Variants in CAMTA1 observed in about 807,000 individuals in gnomAD.
CAMTA1 encodes the protein calmodulin-binding transcription activator 1.
In CAMTA1, 27 loss-of-function variants were observed where a neutral mutation model predicts 170.9. The ratio of observed to expected loss-of-function variants is 0.16; its 90% CI spans 0.12 to 0.22. The LOEUF (loss-of-function observed/expected upper bound fraction) is 0.22. CAMTA1 is among the 10% of genes least tolerant of loss of function. The pLI, the probability that CAMTA1 is intolerant of heterozygous loss-of-function variation, is 1.00. For synonymous variants in CAMTA1, 833 were observed against 891.5 expected, an observed-to-expected ratio of 0.93 and a Z score of 1.17; for missense variants, 1,619 against 2,217.2, an observed-to-expected ratio of 0.73 and a Z score of 5.42.
chr1:7,098,106 TGTGTGTGTGTGTGTGCACGTGCGC>T (rs1180188150), intron 4 of CAMTA1, among the ~76,000 whole-genome samples: 17 of 151,670 alleles, frequency 1.1e-4, no homozygotes, highest in African/African-American at 3.9e-4. Flanking sequence ...GAATTGTGTG[TGTGTGTGTGTGTGTGCACGTGCGC>T]GTGCGTGCGC....
At position 7,044,381 on chromosome 1, in the gene CAMTA1, A is replaced by G. The variant is rs986686931; in HGVS notation, c.235-46923A>G. Among the ~76,000 whole-genome samples, 10 of 151,962 alleles carry G rather than the reference A, an allele frequency of 6.6e-5. No individual in the cohort carries two copies. Among genetic ancestry groups the G allele is most frequent in the African/African-American group, 1.9e-4 (8 of 41,386 alleles). The stretch of plus-strand genomic sequence containing the variant: ...GCCGCTGGGGACCCTGGGGACTCAC[A>G]GCAGTACTGCTGGGGACGCCGAGGA... On this transcript the variant is annotated intron_variant, in intron 3 of 22. Transcript: ENST00000303635. The surrounding 1 kb of genome is among the most constrained non-coding windows in gnomAD (Gnocchi z 5.0).
At chr1:7,415,764 A>G (rs2091117642) in intron 5 of CAMTA1, among the ~76,000 whole-genome samples, 1 of 152,174 alleles carries the variant, frequency 6.6e-6, no homozygotes, top group Non-Finnish European at 1.5e-5. Flanking sequence ...TTTACATTTA[A>G]AGTTAATATT....
At chr1:7,691,809 A>G (rs960783310) in intron 11 of CAMTA1, among the ~76,000 whole-genome samples, 14 of 152,324 alleles carry the variant, frequency 9.2e-5, no homozygotes, top group African/African-American at 3.4e-4. Context: ...AATAAAGCAC[A>G]TCTGTGGGTG....
intron 5 of CAMTA1, among the ~76,000 whole-genome samples, chr1:7,467,353 T>C (rs550106552): frequency 6.6e-6 from 1 of 152,124 alleles, no homozygotes; most frequent in Non-Finnish European, 1.5e-5. Context: ...TCCCCCCTGG[T>C]TGGGCTCGTA....
At chr1:6,850,036 GA>G (rs146898163) in intron 3 of CAMTA1, among the ~76,000 whole-genome samples, 13,059 of 65,100 alleles carry the variant, frequency 0.2, 610 homozygotes, top group East Asian at 0.39. Flanking sequence ...CTTTGTCTCA[GA>G]AAAAAAAAAA....
chr1:7,655,131 TAC>T (rs1218303677), intron 7 of CAMTA1, among the ~76,000 whole-genome samples: 14 of 76,040 alleles, frequency 1.8e-4, no homozygotes, highest in East Asian at 5.5e-4. Flanking sequence ...CACACCTCTA[TAC>T]ACACAAACCC....
intron 3 of CAMTA1, among the ~76,000 whole-genome samples, chr1:6,946,587 A>G (rs1177598791): frequency 1.3e-5 from 2 of 152,144 alleles, no homozygotes; most frequent in Admixed American, 6.5e-5. Context: ...ATGATGTTGC[A>G]TATCTTTTTA....
At chr1:7,172,537 A>G (rs1440250667) in intron 4 of CAMTA1, among the ~76,000 whole-genome samples, 1 of 152,214 alleles carries the variant, frequency 6.6e-6, no homozygotes, top group Non-Finnish European at 1.5e-5. Context: ...TGGAATGATC[A>G]TGGTGGTCAC....
At position 7,290,573 on chromosome 1, in the gene CAMTA1, A is replaced by AC. The variant is rs370207234; in HGVS notation, c.438+40955dup. Among the ~76,000 whole-genome samples the AC allele has an allele frequency of 3.7e-3, 544 of 148,534 alleles. 1 individual carries two copies. Among genetic ancestry groups the AC allele is most frequent in the African/African-American group, 9.2e-3 (368 of 40,116 alleles). On this transcript the variant is annotated intron_variant, in intron 5 of 22. Transcript: ENST00000303635. Reference sequence around the variant, plus strand: ...CATTTCCAAATTATGTGTTGCAACCACCCCCCCCATGCACGTATTGCTTTT... The same window carrying AC: ...CATTTCCAAATTATGTGTTGCAACCACCCCCCCCCATGCACGTATTGCTTTT...
chr1:7,175,175 G>T (rs1650530074), intron 4 of CAMTA1, among the ~76,000 whole-genome samples: 1 of 152,112 alleles, frequency 6.6e-6, no homozygotes, highest in African/African-American at 2.4e-5. Context: ...CACTTTTCAG[G>T]TGTCCAGGTG....
At chr1:6,948,425 G>A (rs1314900259) in intron 3 of CAMTA1, among the ~76,000 whole-genome samples, 1 of 152,220 alleles carries the variant, frequency 6.6e-6, no homozygotes, top group Non-Finnish European at 1.5e-5. Flanking sequence ...AGATAGAAAT[G>A]ACAGCACTTG....
In CAMTA1 at chr1:7,665,289, G is replaced by A. The variant is rs2095991479; in HGVS notation, c.2652+90G>A. On this transcript the variant is annotated intron_variant, in intron 9 of 22. Transcript: ENST00000303635. This position sits in a 1 kb window ranked among gnomAD's most constrained non-coding sequence, Gnocchi z 4.3. ...CACCCTGCAGCTAAGGGATGCCTGT[G>A]GCTGCCCTTCAGAGGAAGCTCTGGA... 8.8e-7 allele frequency: 1 copy of A among 1,133,898 alleles called. No individual in the cohort carries two copies. Among genetic ancestry groups the A allele is most frequent in the Non-Finnish European group, 1.2e-6 (1 of 853,812 alleles). 70.2% of individuals were successfully genotyped at this position (1,133,898 alleles called of 1,614,324 possible). A position where few individuals can be genotyped will look rare whatever the true frequency, so the allele number is the denominator to read the frequency against.
At chr1:6,915,343 C>T (rs1680558150) in intron 3 of CAMTA1, among the ~76,000 whole-genome samples, 1 of 152,250 alleles carries the variant, frequency 6.6e-6, no homozygotes, top group South Asian at 2.1e-4. Context: ...ATTCACTCAG[C>T]CAAGAAATCT....
chr1:7,060,558 T>C (rs575829657), intron 3 of CAMTA1, among the ~76,000 whole-genome samples: 1 of 152,356 alleles, frequency 6.6e-6, no homozygotes, highest in African/African-American at 2.4e-5. Flanking sequence ...TTCAGTCATT[T>C]GCTTCACATA....
At chr1:7,469,887 CGAG>C (rs944828597) in intron 6 of CAMTA1, among the ~76,000 whole-genome samples, 3 of 152,238 alleles carry the variant, frequency 2.0e-5, no homozygotes, top group African/African-American at 7.2e-5. Context: ...TCGGGCCAAG[CGAG>C]GAGAGGGGTC....
chr1:7,746,081 G>A lies in CAMTA1; in HGVS notation c.4607G>A (p.Arg1536Gln), dbSNP rs749129823. 5.0e-5 allele frequency: 81 copies of A among 1,613,886 alleles called. No homozygotes were observed. Among genetic ancestry groups the A allele is most frequent in the Non-Finnish European group, 3.7e-5 (44 of 1,179,916 alleles). The part of the protein sequence containing the change: ...EAARLVQTAF[R>Q]KYKGRPLREQ... ...GCCAGGCTTGTCCAGACAGCTTTCC[G>A]GAAATACAAGGTAAACTAGAACAGA... is the stretch of plus-strand genomic sequence containing the variant. The change falls in exon 18 of 23, where the codon CGG becomes CAG. Residue 1536 changes from arginine (R) to glutamine (Q), a missense_variant. Physicochemically the swap from Arg to Gln is conservative, Grantham distance 43 (BLOSUM62 1). This residue lies in a region of CAMTA1 where 128 missense variants were observed against 213.5 expected (regional missense o/e 0.60). Transcript: ENST00000303635.
At chr1:6,964,293 T>C (rs1557894940) in intron 3 of CAMTA1, among the ~76,000 whole-genome samples, 1 of 151,420 alleles carries the variant, frequency 6.6e-6, no homozygotes, top group Non-Finnish European at 1.5e-5. Context: ...TGGGTGTTCA[T>C]GTAGGAGTGC....
chr1:7,489,823 A>T (rs193160697), intron 6 of CAMTA1, among the ~76,000 whole-genome samples: 205 of 152,206 alleles, frequency 1.3e-3, no homozygotes, highest in Non-Finnish European at 2.5e-3. Context: ...CCAGCATCCC[A>T]TGACCTAGAC....
chr1:7,397,685 G>A (rs890549875), intron 5 of CAMTA1, among the ~76,000 whole-genome samples: 1 of 151,872 alleles, frequency 6.6e-6, no homozygotes, highest in Admixed American at 6.6e-5. Flanking sequence ...CATAGGTTGT[G>A]GTATGTTATG....
Sources: gnomAD v4.1 joint callset for allele counts (sites outside exome capture counted in the v4.1 genomes callset) on GRCh38, gnomAD v4.1.1 for gene constraint, gnomAD v4.1.1 regional missense constraint, Gnocchi (gnomAD v3.1) non-coding constraint, MANE v1.5 for transcripts, NCBI Gene and HGNC (gene_info 2026-07-23, HGNC 2026-07-21) for gene names.